ARMC3: variants seen among roughly 807,000 people sequenced by gnomAD.
The protein encoded by ARMC3 is armadillo repeat containing 3.
Under a neutral mutation model 90.3 loss-of-function variants are expected in ARMC3, and 74 were observed. The observed-to-expected ratio is 0.82, with a 90% confidence interval of 0.68 to 0.99. The LOEUF (loss-of-function observed/expected upper bound fraction) is 0.99. Among genes scored for constraint, ARMC3 ranks in the 50% least tolerant of loss-of-function variants. The probability of loss-of-function intolerance (pLI) is 0.00; values close to 1 mark genes in which losing one functional copy is unlikely to be tolerated. For synonymous variants in ARMC3, 334 were observed against 361.8 expected, an observed-to-expected ratio of 0.92 and a Z score of 0.87; for missense variants, 958 against 1,042.8, an observed-to-expected ratio of 0.92 and a Z score of 1.12.
chr10:23,026,243 T>C (rs1406565373), intron 16 of ARMC3, among the ~76,000 whole-genome samples: 1 of 152,114 alleles, frequency 6.6e-6, no homozygotes, highest in East Asian at 1.9e-4. Flanking sequence ...GCCAATCTAT[T>C]TGCATTAGGT....
In ARMC3 at chr10:22,958,206, C is replaced by T. The variant is rs185367286; in HGVS notation, c.293-864C>T. ...GTGGAACTGAGGTTAGAGCCCTGCA[C>T]ACAGGCATACCTGTCTAACTTTAAT... On this transcript the variant is annotated intron_variant, in intron 4 of 18. Transcript: ENST00000298032. Among the ~76,000 whole-genome samples, 151 of 152,324 alleles carry T rather than the reference C, an allele frequency of 9.9e-4. 2 individuals carry two copies. Among genetic ancestry groups the T allele is most frequent in the Admixed American group, 2.9e-3 (45 of 15,298 alleles).
At chr10:22,942,680 A>G (rs1834365193) in intron 2 of ARMC3, among the ~76,000 whole-genome samples, 1 of 152,218 alleles carries the variant, frequency 6.6e-6, no homozygotes, top group Non-Finnish European at 1.5e-5. Flanking sequence ...ACTGTTCGAC[A>G]GTACCTACAA....
At chr10:23,034,299 A>G (rs1839039768) in intron 18 of ARMC3, among the ~76,000 whole-genome samples, 1 of 152,230 alleles carries the variant, frequency 6.6e-6, no homozygotes, top group African/African-American at 2.4e-5. Flanking sequence ...AAGAGAAAAT[A>G]TAAAGCTTTT....
chr10:22,972,314 C>G (rs1471281559), intron 8 of ARMC3, among the ~76,000 whole-genome samples: 1 of 152,052 alleles, frequency 6.6e-6, no homozygotes, highest in Non-Finnish European at 1.5e-5. Context: ...GTAGCTGTAG[C>G]TCTTATATTT....
intron 7 of ARMC3, among the ~76,000 whole-genome samples, chr10:22,966,310 C>G (rs1438890929): frequency 1.3e-5 from 2 of 152,308 alleles, no homozygotes; most frequent in East Asian, 3.9e-4. Context: ...CAGCATTCTG[C>G]CAAATGAGCT....
chr10:22,955,720 GC>G (rs1301963009), intron 3 of ARMC3, 86 bp from the exon 4 acceptor site: 1 of 1,497,218 alleles, frequency 6.7e-7, no homozygotes, highest in East Asian at 2.3e-5. Flanking sequence ...AAGGCAAATG[GC>G]AAATAAGAAA....
Position 22,981,451 on chromosome 10 carries a change from T to C in ARMC3, c.1028T>C (p.Met343Thr), listed in dbSNP as rs780479152. Residue 343 changes from methionine to threonine, a missense_variant, in exon 9 of 19, where the codon ATG becomes ACG. Coordinates refer to ENST00000298032, the MANE Select transcript of ARMC3 (RefSeq NM_173081.5). ...GCTGCTTCCCAAGCTATTTCAGCAA[T>C]GTGTGAGAATTCAGGCAGCAAAGAT... ...KIAASQAISA[M>T]CENSGSKDFF... The C allele has an allele frequency of 1.9e-6, 3 of 1,613,896 alleles. No individual in the cohort carries two copies. The highest frequency in any genetic ancestry group is 2.2e-5 in the South Asian group (2 of 91,010).
At chr10:23,029,983 A>G (rs1468211862) in intron 16 of ARMC3, among the ~76,000 whole-genome samples, 2 of 152,188 alleles carry the variant, frequency 1.3e-5, no homozygotes, top group African/African-American at 4.8e-5. Flanking sequence ...CTCTCTGAGA[A>G]GGCAACCTAA....
chr10:22,961,453 C>A (rs1310514956), intron 6 of ARMC3: 1 of 159,170 alleles, frequency 6.3e-6, no homozygotes, highest in Admixed American at 6.5e-5. Flanking sequence ...TGCAGAGGGC[C>A]TGTCAACAGT....
At chr10:23,020,553 T>G (rs992112156) in intron 16 of ARMC3, among the ~76,000 whole-genome samples, 1 of 152,212 alleles carries the variant, frequency 6.6e-6, no homozygotes, top group Non-Finnish European at 1.5e-5. Context: ...GCATTTTGCT[T>G]TCTCACTGGC....
chr10:23,021,136 C>T (rs1341018068), intron 16 of ARMC3, among the ~76,000 whole-genome samples: 1 of 152,202 alleles, frequency 6.6e-6, no homozygotes, highest in Non-Finnish European at 1.5e-5. Flanking sequence ...CTGGAAAGGA[C>T]ATGATTTTAT....
chr10:22,956,007 G>T, intron 4 of ARMC3, 75 bp downstream of exon 4: 1 of 1,345,328 alleles, frequency 7.4e-7, no homozygotes, highest in Non-Finnish European at 1.0e-6. Flanking sequence ...TTAACATTAA[G>T]GAATTTGTTT....
chr10:22,956,192 A>C (rs748745295), intron 4 of ARMC3, among the ~76,000 whole-genome samples: 4 of 152,184 alleles, frequency 2.6e-5, no homozygotes, highest in Non-Finnish European at 4.4e-5. Flanking sequence ...TGAGAGAGCA[A>C]TCATTTTCTC....
At position 22,981,678 on chromosome 10, in the gene ARMC3, A is replaced by G; in HGVS notation, c.1153A>G (p.Thr385Ala). ...AAALALANLT[T>A]CNPANANAAA... Reference sequence around the variant, plus strand: ...AGCTCTAGCCCTGGCAAACCTAACCACTTGCAACCCTGCTAATGCAAAGTA... The same window carrying G: ...AGCTCTAGCCCTGGCAAACCTAACCGCTTGCAACCCTGCTAATGCAAAGTA... The change falls in exon 10 of 19, where the codon ACT becomes GCT. Residue 385 changes from threonine (T) to alanine (A), a missense_variant. Coordinates refer to ENST00000298032, the MANE Select transcript of ARMC3 (RefSeq NM_173081.5). The G allele has an allele frequency of 6.2e-7, 1 of 1,613,902 alleles. No individual in the cohort carries two copies. Among genetic ancestry groups the G allele is most frequent in the Non-Finnish European group, 8.5e-7 (1 of 1,179,902 alleles).
At chr10:22,934,181 C>T (rs1834032438) in intron 2 of ARMC3, among the ~76,000 whole-genome samples, 1 of 152,042 alleles carries the variant, frequency 6.6e-6, no homozygotes, top group South Asian at 2.1e-4. Flanking sequence ...ATATTGTTTC[C>T]AAAGACCTTA....
At chr10:22,987,237 C>T (rs941249759) in intron 10 of ARMC3, among the ~76,000 whole-genome samples, 22 of 152,154 alleles carry the variant, frequency 1.4e-4, no homozygotes, top group African/African-American at 4.1e-4. Flanking sequence ...TCCAATTAAT[C>T]ATATCAAAGT....
intron 3 of ARMC3, 145 bp downstream of exon 3, chr10:22,946,406 C>G (rs1359458163): frequency 3.8e-6 from 2 of 531,040 alleles, no homozygotes; most frequent in Non-Finnish European, 6.6e-6. Context: ...TAATGCATTA[C>G]CTAAGAGCAA....
intron 10 of ARMC3, among the ~76,000 whole-genome samples, chr10:22,983,018 G>A (rs973208991): frequency 6.6e-6 from 1 of 152,148 alleles, no homozygotes; most frequent in Admixed American, 6.6e-5. Context: ...CCTAAATTAA[G>A]GGTCATCATT....
At chr10:23,036,086 C>A (rs1198632811) in intron 18 of ARMC3, among the ~76,000 whole-genome samples, 1 of 152,154 alleles carries the variant, frequency 6.6e-6, no homozygotes, top group Non-Finnish European at 1.5e-5. Flanking sequence ...ACGGGGAAAA[C>A]AATAGCATCT....
Sources: gnomAD v4.1 joint callset for allele counts (sites outside exome capture counted in the v4.1 genomes callset) on GRCh38, gnomAD v4.1.1 for gene constraint, MANE v1.5 for transcripts, NCBI Gene and HGNC (gene_info 2026-07-23, HGNC 2026-07-21) for gene names.